The following PDE4B variants were observed in gnomAD, a reference collection of about 807,000 sequenced individuals.
PDE4B encodes the protein 3',5'-cyclic-AMP phosphodiesterase 4B.
Under a neutral mutation model 82.2 loss-of-function variants are expected in PDE4B, and 20 were observed. The observed-to-expected ratio is 0.24, with a 90% CI of 0.17 to 0.35. The LOEUF (loss-of-function observed/expected upper bound fraction) is 0.35. Among genes scored for constraint, PDE4B ranks in the 10% least tolerant of loss-of-function variants. The probability of loss-of-function intolerance (pLI) is 1.00; values close to 1 mark genes in which losing one functional copy is unlikely to be tolerated. For synonymous variants in PDE4B, 320 were observed against 318.9 expected, an observed-to-expected ratio of 1.00 and a Z score of -0.04; for missense variants, 655 against 907.2, an observed-to-expected ratio of 0.72 and a Z score of 3.57.
intron 3 of PDE4B, among the ~76,000 whole-genome samples, chr1:66,038,537 A>G (rs1003235523): frequency 1.3e-5 from 2 of 151,012 alleles, no homozygotes; most frequent in Admixed American, 1.3e-4. Context: ...TACCTAGGGA[A>G]TAGTAGAACA....
At chr1:66,293,054 G>C (rs1657215304) in intron 7 of PDE4B, among the ~76,000 whole-genome samples, 2 of 152,144 alleles carry the variant, frequency 1.3e-5, no homozygotes, top group African/African-American at 4.8e-5. Context: ...TGGGTCCATG[G>C]CATTTGGCTT....
rs1485148012 is a variant in PDE4B, at chr1:66,078,453, G to T, written c.281+159618G>T. On this transcript the variant is annotated intron_variant, in intron 3 of 16. Coordinates refer to ENST00000341517, the MANE Select transcript of PDE4B (RefSeq NM_002600.4). ...TCGAACTCCTGACCTCAGGCAATCT[G>T]CCCACCTCGGTCTCCCAAAGTGCTG... Among the ~76,000 whole-genome samples, 3 of 151,896 alleles carry T rather than the reference G, an allele frequency of 2.0e-5. No homozygotes were observed. In the East Asian group the frequency reaches 5.8e-4, roughly 29 times the overall value.
chr1:65,984,240 G>A (rs565617992), intron 3 of PDE4B, among the ~76,000 whole-genome samples: 4 of 152,168 alleles, frequency 2.6e-5, no homozygotes, highest in Non-Finnish European at 4.4e-5. Flanking sequence ...CAGTTTAAAC[G>A]CTATATGATT....
chr1:66,058,297 GC>G (rs1244984162), intron 3 of PDE4B, among the ~76,000 whole-genome samples: 1 of 152,196 alleles, frequency 6.6e-6, no homozygotes, highest in Non-Finnish European at 1.5e-5. Flanking sequence ...CCTCCCAGCT[GC>G]TTTCATGGGT....
At chr1:66,046,763 A>G (rs1239305184) in intron 3 of PDE4B, among the ~76,000 whole-genome samples, 2 of 151,872 alleles carry the variant, frequency 1.3e-5, no homozygotes, top group African/African-American at 2.4e-5. Context: ...CAATGAGGAA[A>G]GAAATGTGTA....
intron 8 of PDE4B, among the ~76,000 whole-genome samples, chr1:66,340,605 T>G (rs1479298023): frequency 6.6e-6 from 1 of 152,182 alleles, no homozygotes; most frequent in Non-Finnish European, 1.5e-5. Context: ...AATTATAATT[T>G]TTTAATTAAC....
intron 3 of PDE4B, among the ~76,000 whole-genome samples, chr1:66,106,178 T>C (rs531984924): frequency 6.6e-6 from 1 of 152,356 alleles, no homozygotes; most frequent in East Asian, 1.9e-4. Context: ...AAAGGCCTTT[T>C]CTGCATCTAT....
chr1:65,997,703 G>C (rs1222494872), intron 3 of PDE4B, among the ~76,000 whole-genome samples: 1 of 152,202 alleles, frequency 6.6e-6, no homozygotes, highest in African/African-American at 2.4e-5. Flanking sequence ...CAGTTGTTAA[G>C]AGCCTACTAT....
chr1:66,310,596 A>G (rs1423564971), intron 7 of PDE4B, among the ~76,000 whole-genome samples: 2 of 152,154 alleles, frequency 1.3e-5, no homozygotes, highest in Non-Finnish European at 2.9e-5. Context: ...TCTTTAAATG[A>G]CCAAGTTCAT....
intron 3 of PDE4B, among the ~76,000 whole-genome samples, chr1:66,035,077 T>C (rs1322842469): frequency 6.6e-6 from 1 of 152,226 alleles, no homozygotes; most frequent in East Asian, 1.9e-4. Context: ...TCAGTACTTA[T>C]CTGCAATCCA....
At position 66,332,485 on chromosome 1, in the gene PDE4B, C is replaced by T. The variant is rs772165282; in HGVS notation, c.635-23C>T. 3.1e-6 allele frequency: 5 copies of T among 1,614,064 alleles called. No homozygotes were observed. In the African/African-American group the frequency reaches 5.3e-5, roughly 17 times the overall value. On this transcript the variant is annotated intron_variant, in intron 7 of 16. Coordinates refer to ENST00000341517, the MANE Select transcript of PDE4B (RefSeq NM_002600.4). ...GCCTGCAGCCGCTCCAGCCTAACTA[C>T]ATGCCTGTGTGTTTGTTTGCAGAAG...
At chr1:66,122,708 T>TC (rs886366891) in intron 3 of PDE4B, among the ~76,000 whole-genome samples, 24 of 145,876 alleles carry the variant, frequency 1.6e-4, no homozygotes, top group African/African-American at 4.7e-4. Flanking sequence ...CTTTTCTTTT[T>TC]TTTTTTTTTT....
chr1:65,839,690 G>T (rs751747958), intron 1 of PDE4B, among the ~76,000 whole-genome samples: 1 of 152,080 alleles, frequency 6.6e-6, no homozygotes, highest in Middle Eastern at 3.2e-3. Flanking sequence ...ATTTGAGTTG[G>T]TTCCAAGTCT....
chr1:65,794,992 A>G (rs570131880), intron 1 of PDE4B, among the ~76,000 whole-genome samples: 2 of 152,306 alleles, frequency 1.3e-5, no homozygotes, highest in African/African-American at 2.4e-5. Context: ...TGTTAGACAT[A>G]CTGTTTGCTT....
Position 66,029,173 on chromosome 1 carries a change from A to G in PDE4B, c.281+110338A>G, listed in dbSNP as rs549107882. Reference sequence around the variant, plus strand: ...GTGGGAGGTGAAAGGCACTTCTTACATAGTGGTGGCAAGAGAAAAATAAGG... The same window carrying G: ...GTGGGAGGTGAAAGGCACTTCTTACGTAGTGGTGGCAAGAGAAAAATAAGG... On this transcript the variant is annotated intron_variant, in intron 3 of 16. Coordinates refer to ENST00000341517, the MANE Select transcript of PDE4B (RefSeq NM_002600.4). Among the ~76,000 whole-genome samples the G allele has an allele frequency of 5.9e-5, 9 of 152,330 alleles. No individual in the cohort carries two copies. In the East Asian group the frequency reaches 1.3e-3, roughly 23 times the overall value.
chr1:66,208,452 G>A (rs373465024), intron 3 of PDE4B, among the ~76,000 whole-genome samples: 7 of 152,186 alleles, frequency 4.6e-5, no homozygotes, highest in African/African-American at 1.4e-4. Context: ...ACCCATGGAG[G>A]TTTTGGATAT....
chr1:65,976,791 A>G (rs1250842037), intron 3 of PDE4B, among the ~76,000 whole-genome samples: 1 of 152,118 alleles, frequency 6.6e-6, no homozygotes, highest in Non-Finnish European at 1.5e-5. Context: ...ACCTTCCATC[A>G]TGATTTAAGT....
chr1:66,043,569 C>G (rs1489452079), intron 3 of PDE4B, among the ~76,000 whole-genome samples: 1 of 151,754 alleles, frequency 6.6e-6, no homozygotes, highest in Non-Finnish European at 1.5e-5. Context: ...TCGGGGGTTT[C>G]TGGTACATTG....
intron 7 of PDE4B, among the ~76,000 whole-genome samples, chr1:66,294,846 A>G (rs954667149): frequency 6.6e-6 from 1 of 152,144 alleles, no homozygotes; most frequent in Non-Finnish European, 1.5e-5. Context: ...ATCTCTCAGT[A>G]AAAGAAAAAA....
Sources: gnomAD v4.1 joint callset for allele counts (sites outside exome capture counted in the v4.1 genomes callset) on GRCh38, gnomAD v4.1.1 for gene constraint, MANE v1.5 for transcripts, NCBI Gene and HGNC (gene_info 2026-07-23, HGNC 2026-07-21) for gene names.